Variants in NKD2 observed in about 807,000 individuals in gnomAD.
NKD2 encodes the protein NKD inhibitor of Wnt signaling pathway 2, also known as protein naked cuticle homolog 2.
NKD2 carries 43 observed loss-of-function variants against 34.8 expected under a neutral mutation model. The observed-to-expected ratio is 1.24, with a 90% CI of 0.97 to 1.60. The LOEUF (loss-of-function observed/expected upper bound fraction) is 1.60, where lower values mean the gene tolerates loss of function less well. Ranked by LOEUF, NKD2 falls within the 40% of genes most tolerant of loss-of-function variation. The pLI is 0.00. For missense variants in NKD2, 675 were observed against 627.1 expected, an observed-to-expected ratio of 1.08 and a Z score of -0.82; for synonymous variants, 278 against 265.1, an observed-to-expected ratio of 1.05 and a Z score of -0.47.
chr5:1,032,139 G>T lies in NKD2; in HGVS notation c.142-13G>T, dbSNP rs377731336. ...GAGCTATGTGGCCACTGACTGCCCCGTTCTTCCTGCAGGAGCTGCCCAATG... is the reference window on the plus strand; with the variant it reads ...GAGCTATGTGGCCACTGACTGCCCCTTTCTTCCTGCAGGAGCTGCCCAATG... On this transcript the variant is annotated splice_polypyrimidine_tract_variant and intron_variant, in intron 3 of 9. Transcript: ENST00000296849. 1.4e-5 allele frequency: 22 copies of T among 1,610,236 alleles called. No individual in the cohort carries two copies. The African/African-American group carries it at 2.7e-4, about 20-fold the overall frequency.
intron 3 of NKD2, among the ~76,000 whole-genome samples, chr5:1,022,435 A>C (rs796099688): frequency 3.3e-5 from 1 of 30,376 alleles, no homozygotes; most frequent in African/African-American, 1.2e-4. Flanking sequence ...GTCTCAGCCC[A>C]TTGTCCCTGC....
Position 1,008,838 on chromosome 5 carries a change from C to T in NKD2, c.-220C>T, listed in dbSNP as rs1028895121. On this transcript the variant is annotated 5_prime_UTR_variant, in exon 1 of 10. Coordinates refer to ENST00000296849, the MANE Select transcript of NKD2 (RefSeq NM_033120.4). ...GGCCGCCGTCGCTGCCGCCGCTGTC[C>T]CCGCGCCCTGCGCCCGGTGGCCCCC... The T allele has an allele frequency of 2.3e-5, 7 of 308,218 alleles. No homozygotes were observed. In the South Asian group the frequency reaches 7.8e-4, roughly 34 times the overall value. The allele number at this position is 308,218 out of a possible 1,614,324, so 19.1% of individuals were successfully genotyped here.
In NKD2 at chr5:1,021,950, C is replaced by T. The variant is rs532526345; in HGVS notation, c.142-10202C>T. 8.5e-3 allele frequency among the ~76,000 whole-genome samples: 1,298 copies of T among 152,308 alleles called. 11 individuals are homozygous for T. The highest frequency in any genetic ancestry group is 0.014 in the Middle Eastern group (4 of 294). On this transcript the variant is annotated intron_variant, in intron 3 of 9. Coordinates refer to ENST00000296849, the MANE Select transcript of NKD2 (RefSeq NM_033120.4). ...GCTGCTCCGGGCCCCTCCCCCAGGG[C>T]CGCCTGCAGCCTGCTGCGACCAACC...
intron 3 of NKD2, among the ~76,000 whole-genome samples, chr5:1,028,537 C>G (rs951832744): frequency 6.6e-6 from 1 of 152,012 alleles, no homozygotes; most frequent in African/African-American, 2.4e-5. Context: ...TCCCAGGGGC[C>G]AGGAGAGCCC....
intron 3 of NKD2, among the ~76,000 whole-genome samples, chr5:1,017,319 C>A (rs1579250699): frequency 6.6e-6 from 1 of 152,232 alleles, no homozygotes; most frequent in African/African-American, 2.4e-5. Flanking sequence ...CTCAACTGTC[C>A]CGAGGGCGTG....
intron 3 of NKD2, among the ~76,000 whole-genome samples, chr5:1,022,250 C>T (rs1579256849): frequency 6.8e-6 from 1 of 148,018 alleles, no homozygotes; most frequent in African/African-American, 2.5e-5. Flanking sequence ...CTCTTCCCAC[C>T]CGCTGTGGGC....
chr5:1,012,162 G>C (rs1253607370), intron 3 of NKD2, among the ~76,000 whole-genome samples: 1 of 152,268 alleles, frequency 6.6e-6, no homozygotes, highest in Non-Finnish European at 1.5e-5. Flanking sequence ...AATTTCTACA[G>C]CGCTCCCTGA....
intron 5 of NKD2, chr5:1,034,018 G>A (rs1733664797): frequency 1.7e-6 from 1 of 590,094 alleles, no homozygotes; most frequent in Non-Finnish European, 3.0e-6. Context: ...GAATCACAGG[G>A]CACAAAGCTG....
At position 1,036,296 on chromosome 5, in the gene NKD2, G is replaced by A; in HGVS notation, c.699G>A (p.Gly233=). The A allele has an allele frequency of 6.2e-7, 1 of 1,612,434 alleles. No homozygotes were observed. Among genetic ancestry groups the A allele is most frequent in the Admixed American group, 1.7e-5 (1 of 59,998 alleles). ...ACCCCCAGCCCTGCTCGGAGCGGGG[G>A]CCCTACTGCGTGGACGAGAACACGG... ...STDPQPCSER[G]PYCVDENTER... The change falls in exon 9 of 10, where the codon GGG becomes GGA. Residue 233 remains glycine (G), a synonymous_variant. Transcript: ENST00000296849.
At chr5:1,012,139 C>A (rs931177250) in intron 3 of NKD2, among the ~76,000 whole-genome samples, 1 of 152,260 alleles carries the variant, frequency 6.6e-6, no homozygotes, top group African/African-American at 2.4e-5. Context: ...ATCTGGTCTG[C>A]GAGACTAGCT....
At chr5:1,021,256 C>T (rs961732558) in intron 3 of NKD2, among the ~76,000 whole-genome samples, 14 of 152,048 alleles carry the variant, frequency 9.2e-5, no homozygotes, top group Non-Finnish European at 1.9e-4. Context: ...ATGGAGGCTC[C>T]GTCTGAATGT....
chr5:1,009,506 C>A lies in NKD2; in HGVS notation c.87C>A (p.Tyr29Ter), dbSNP rs1242209689. 1 of 1,497,632 alleles carries A rather than the reference C, an allele frequency of 6.7e-7. No individual in the cohort carries two copies. The highest frequency in any genetic ancestry group is 2.8e-5 in the East Asian group (1 of 35,954). The allele number at this position is 1,497,632 out of a possible 1,614,324, so 92.8% of individuals were successfully genotyped here. A position where few individuals can be genotyped will look rare whatever the true frequency, so the allele number is the denominator to read the frequency against. Residue 29 changes from tyrosine to a stop codon, truncating the protein, a stop_gained, in exon 3 of 10, where the codon TAC becomes TAA. Transcript: ENST00000296849. LOFTEE classifies it high-confidence loss of function. The surrounding 1 kb of genome is among the most constrained non-coding windows in gnomAD (Gnocchi z 6.9). ...GGGACAGCTTCGTGGCGTCCGCGTA[C>A]GCGAGCGGCCGCAAAGGCGCGGAGG... The part of the protein sequence containing the change: ...PEGDSFVASA[Y>*]ASGRKGAEEA...
intron 3 of NKD2, among the ~76,000 whole-genome samples, chr5:1,010,802 G>C (rs1284265714): frequency 6.6e-6 from 1 of 152,218 alleles, no homozygotes; most frequent in African/African-American, 2.4e-5. Flanking sequence ...GTGAGCACCT[G>C]GGGTGGGCGG....
Position 1,034,899 on chromosome 5 carries a change from C to A in NKD2, c.570C>A (p.Gly190=). Residue 190 remains glycine (G), a synonymous_variant, in exon 7 of 10, where the codon GGC becomes GGA. Transcript: ENST00000296849. ...AGAGGAAGGAGGGTCCTCCTGCTGG[C>A]CAGGGTGAGTGAGGCCTGGGCACAC... ...SSKRKEGPPA[G]QDREPTRCRM... 1 of 1,607,494 alleles carries A rather than the reference C, an allele frequency of 6.2e-7. No homozygotes were observed. Among genetic ancestry groups the A allele is most frequent in the Non-Finnish European group, 8.5e-7 (1 of 1,177,124 alleles).
In NKD2 at chr5:1,009,108, AGGGCGGGCGGGCGGGC is replaced by A. The variant is rs577163729; in HGVS notation, c.25+28_25+43del. On this transcript the variant is annotated intron_variant, in intron 1 of 9. Coordinates refer to ENST00000296849, the MANE Select transcript of NKD2 (RefSeq NM_033120.4). The surrounding 1 kb of genome is among the most constrained non-coding windows in gnomAD (Gnocchi z 6.9). ...GTGAGCCGCGGGCCGGTAGGGCGGGAGGGCGGGCGGGCGGGCGTGGGGCCGCCTCTCACTGTCGTTT... is the reference window on the plus strand; with the variant it reads ...GTGAGCCGCGGGCCGGTAGGGCGGGAGTGGGGCCGCCTCTCACTGTCGTTT... 4 of 130,968 alleles carry A rather than the reference AGGGCGGGCGGGCGGGC, an allele frequency of 3.1e-5. No homozygotes were observed. Among genetic ancestry groups the A allele is most frequent in the East Asian group, 3.2e-4 (2 of 6,224 alleles). 8.1% of individuals were successfully genotyped at this position (130,968 alleles called of 1,614,324 possible). A position where few individuals can be genotyped will look rare whatever the true frequency, so the allele number is the denominator to read the frequency against.
At chr5:1,029,673 C>T (rs578214310) in intron 3 of NKD2, among the ~76,000 whole-genome samples, 2 of 152,290 alleles carry the variant, frequency 1.3e-5, no homozygotes, top group South Asian at 4.1e-4. Flanking sequence ...TTCAGCAAAT[C>T]GTGGGAAACA....
In NKD2 at chr5:1,009,243, G is replaced by A; in HGVS notation, c.61+29G>A. ...AGCGGGCGAGCCGACGGGCGGGGCG[G>A]GGGGCGGCGACCCGGCCCGGGACCC... On this transcript the variant is annotated intron_variant, in intron 2 of 9. Coordinates refer to ENST00000296849, the MANE Select transcript of NKD2 (RefSeq NM_033120.4). The surrounding 1 kb of genome is among the most constrained non-coding windows in gnomAD (Gnocchi z 6.9). The A allele has an allele frequency of 4.1e-6, 2 of 490,110 alleles. No individual in the cohort carries two copies. Among genetic ancestry groups the A allele is most frequent in the South Asian group, 3.2e-5 (1 of 31,210 alleles). 30.4% of individuals were successfully genotyped at this position (490,110 alleles called of 1,614,324 possible). A position where few individuals can be genotyped will look rare whatever the true frequency, so the allele number is the denominator to read the frequency against.
chr5:1,011,243 G>T (rs1047480711), intron 3 of NKD2, among the ~76,000 whole-genome samples: 14 of 152,304 alleles, frequency 9.2e-5, no homozygotes, highest in African/African-American at 3.4e-4. Context: ...CTGCCTTTCT[G>T]TATTTTCCGC....
Position 1,009,236 on chromosome 5 carries a change from C to G in NKD2, c.61+22C>G, listed in dbSNP as rs1029770981. ...GAAGGTGAGCGGGCGAGCCGACGGGCGGGGCGGGGGGCGGCGACCCGGCCC... is the reference window on the plus strand; with the variant it reads ...GAAGGTGAGCGGGCGAGCCGACGGGGGGGGCGGGGGGCGGCGACCCGGCCC... On this transcript the variant is annotated intron_variant, in intron 2 of 9. Transcript: ENST00000296849. The surrounding 1 kb of genome is among the most constrained non-coding windows in gnomAD (Gnocchi z 6.9). 17 of 493,216 alleles carry G rather than the reference C, an allele frequency of 3.4e-5. 1 individual carries two copies. The Middle Eastern group carries it at 2.1e-3, about 61-fold the overall frequency. 30.6% of individuals were successfully genotyped at this position (493,216 alleles called of 1,614,324 possible).
Sources: allele counts gnomAD v4.1 joint callset (sites outside exome capture counted in the v4.1 genomes callset), GRCh38; gene constraint gnomAD v4.1.1; non-coding constraint Gnocchi (gnomAD v3.1); transcripts MANE v1.5; gene names NCBI Gene and HGNC (gene_info 2026-07-23, HGNC 2026-07-21).